CD276: variants seen among roughly 807,000 people sequenced by gnomAD.
CD276 encodes CD276 molecule.
Under a neutral mutation model 50.0 loss-of-function variants are expected in CD276, and 34 were observed. That is an observed-to-expected ratio of 0.68 (90% confidence interval 0.52 to 0.91). CD276 has a LOEUF of 0.91. Ranked by LOEUF, CD276 falls within the 40% of genes least tolerant of loss-of-function variation. CD276 has a pLI of 0.00. For synonymous variants in CD276, 275 were observed against 313.0 expected, an observed-to-expected ratio of 0.88 and a Z score of 1.28; for missense variants, 634 against 717.5, an observed-to-expected ratio of 0.88 and a Z score of 1.33.
At chr15:73,689,188 CTGTGTGTGTGTG>C (rs58196751) in intron 1 of CD276, among the ~76,000 whole-genome samples, 15 of 142,626 alleles carry the variant, frequency 1.1e-4, no homozygotes, top group South Asian at 2.4e-4. Context: ...TCTGTGCCTC[CTGTGTGTGTGTG>C]TGTGTGTGTG....
At chr15:73,690,534 G>A in intron 1 of CD276, 1 of 359,814 alleles carries the variant, frequency 2.8e-6, no homozygotes. Context: ...CATCTGGCGA[G>A]GGCCTTCTTG....
intron 4 of CD276, 136 bp downstream of exon 4, chr15:73,703,222 G>A (rs1567019926): frequency 8.3e-6 from 9 of 1,079,820 alleles, no homozygotes; most frequent in African/African-American, 4.7e-5. Context: ...GAAAGATAAC[G>A]GGGAGGTGGG....
At chr15:73,699,813 G>C in intron 2 of CD276, 95 bp downstream of exon 2, 1 of 1,410,266 alleles carries the variant, frequency 7.1e-7, no homozygotes, top group Non-Finnish European at 9.5e-7. Context: ...TGCCAAGCCA[G>C]CTCTGGCTAG....
rs117879351 is a variant in CD276 at position 73,698,764 on chromosome 15, G to A, written c.-54-822G>A. Among the ~76,000 whole-genome samples, 94 of 152,218 alleles carry A rather than the reference G, an allele frequency of 6.2e-4. 1 individual carries two copies. In the East Asian group the frequency reaches 0.017, roughly 28 times the overall value. ...TTTAGTAGAGATGGGGTTTCACCAT[G>A]TTGTTCAAACCGGTCACAAACTCCT... On this transcript the variant is annotated intron_variant, in intron 1 of 9. Coordinates refer to ENST00000318443, the MANE Select transcript of CD276 (RefSeq NM_001024736.2).
intron 2 of CD276, among the ~76,000 whole-genome samples, chr15:73,700,585 G>A (rs1404219628): frequency 1.3e-5 from 2 of 152,206 alleles, no homozygotes; most frequent in Non-Finnish European, 2.9e-5. Flanking sequence ...CAGGGCATGA[G>A]AACTGGCCTG....
intron 1 of CD276, among the ~76,000 whole-genome samples, chr15:73,698,665 A>G (rs1900262674): frequency 6.6e-6 from 1 of 152,092 alleles, no homozygotes; most frequent in South Asian, 2.1e-4. Flanking sequence ...GGTTCTAGCA[A>G]TTCTCCTGCC....
chr15:73,703,470 G>A (rs1900499843), intron 4 of CD276, among the ~76,000 whole-genome samples, 189 bp from the exon 5 acceptor site: 1 of 152,182 alleles, frequency 6.6e-6, no homozygotes, highest in Non-Finnish European at 1.5e-5. Flanking sequence ...TGCTGTGATT[G>A]TTCTCAGAAG....
At chr15:73,705,887 G>A (rs560724449) in intron 6 of CD276, among the ~76,000 whole-genome samples, 3 of 152,182 alleles carry the variant, frequency 2.0e-5, no homozygotes, top group Non-Finnish European at 2.9e-5. Context: ...ATTGCAAAGA[G>A]AATGTTTATC....
intron 7 of CD276, 29 bp from the exon 8 acceptor site, chr15:73,709,619 T>C (rs1480194727): frequency 6.2e-7 from 1 of 1,611,660 alleles, no homozygotes; most frequent in Admixed American, 1.7e-5. Flanking sequence ...CAAAAGATTT[T>C]TGTTTATTCT....
At chr15:73,711,060 TC>T in intron 8 of CD276, 74 bp from the exon 9 acceptor site, 1 of 1,503,416 alleles carries the variant, frequency 6.7e-7, no homozygotes, top group Non-Finnish European at 9.2e-7. Flanking sequence ...CCCTCACTCC[TC>T]CCTCTGCCTG....
intron 1 of CD276, among the ~76,000 whole-genome samples, chr15:73,694,679 G>A (rs1900112341): frequency 1.3e-5 from 2 of 152,152 alleles, no homozygotes; most frequent in South Asian, 4.1e-4. Context: ...CCAGTGGGAA[G>A]GGGGAGGGGA....
chr15:73,711,762 A>G (rs949255625), intron 9 of CD276: 1 of 153,428 alleles, frequency 6.5e-6, no homozygotes, highest in African/African-American at 2.4e-5. Context: ...TATTGTTATA[A>G]TGTCAGTGAT....
In CD276 at chr15:73,691,961, C is replaced by T. The variant is rs1209736896; in HGVS notation, c.-55+7501C>T. Among the ~76,000 whole-genome samples the T allele has an allele frequency of 2.6e-5, 4 of 152,124 alleles. No individual in the cohort carries two copies. In the East Asian group the frequency reaches 7.7e-4, roughly 29 times the overall value. On this transcript the variant is annotated intron_variant, in intron 1 of 9. Coordinates refer to ENST00000318443, the MANE Select transcript of CD276 (RefSeq NM_001024736.2). ...AGAAGCTGTCAGGGATATTTCAGGCCAGTCTAGGGTAGAAGAGGGTTGGAC... is the reference window on the plus strand; with the variant it reads ...AGAAGCTGTCAGGGATATTTCAGGCTAGTCTAGGGTAGAAGAGGGTTGGAC...
chr15:73,684,337 G>GCGGCC (rs1016851794), upstream of CD276: 9 of 151,774 alleles, frequency 5.9e-5, no homozygotes, highest in Admixed American at 4.6e-4. Flanking sequence ...ATTCTCCGGC[G>GCGGCC]CGGCCCGCCC....
chr15:73,703,568 A>G (rs1900503678), intron 4 of CD276, 91 bp from the exon 5 acceptor site: 2 of 1,019,034 alleles, frequency 2.0e-6, no homozygotes, highest in Admixed American at 5.6e-5. Context: ...AGGGTCTGGG[A>G]ATTGATGGGG....
chr15:73,712,671 G>A (rs1226135648), intron 9 of CD276, among the ~76,000 whole-genome samples: 2 of 152,108 alleles, frequency 1.3e-5, no homozygotes, highest in African/African-American at 4.8e-5. Context: ...GAAGTGTATC[G>A]GGCTGTGGGC....
At chr15:73,711,109 C>T (rs1441539116) in intron 8 of CD276, 26 bp from the exon 9 acceptor site, 3 of 1,613,868 alleles carry the variant, frequency 1.9e-6, no homozygotes, top group South Asian at 2.2e-5. Context: ...TCCTCCCTCA[C>T]CGTGTGCGCC....
chr15:73,695,110 T>C (rs930332729), intron 1 of CD276, among the ~76,000 whole-genome samples: 44 of 152,262 alleles, frequency 2.9e-4, no homozygotes, highest in African/African-American at 1.0e-3. Flanking sequence ...GGCTGTGAAC[T>C]GGTTAAGCCT....
chr15:73,692,791 T>A (rs570131950), intron 1 of CD276, among the ~76,000 whole-genome samples: 8 of 152,312 alleles, frequency 5.3e-5, no homozygotes, highest in African/African-American at 1.7e-4. Context: ...AATGAACAAA[T>A]GCCAGAAGAC....
Sources: allele counts gnomAD v4.1 joint callset (sites outside exome capture counted in the v4.1 genomes callset), GRCh38; gene constraint gnomAD v4.1.1; transcripts MANE v1.5; gene names NCBI Gene and HGNC (gene_info 2026-07-23, HGNC 2026-07-21).